Variants in CALCR observed in about 807,000 individuals in gnomAD.
CALCR encodes the protein calcitonin receptor.
Under a neutral mutation model 59.5 loss-of-function variants are expected in CALCR, and 47 were observed. The observed-to-expected ratio is 0.79, with a 90% CI of 0.63 to 1.01. CALCR has a LOEUF of 1.01. Ranked by LOEUF, CALCR falls within the 50% of genes least tolerant of loss-of-function variation. The probability of loss-of-function intolerance (pLI) is 0.00; values close to 1 mark genes in which losing one functional copy is unlikely to be tolerated. For synonymous variants in CALCR, 213 were observed against 211.3 expected, an observed-to-expected ratio of 1.01 and a Z score of -0.07; for missense variants, 566 against 597.1, an observed-to-expected ratio of 0.95 and a Z score of 0.54.
At chr7:93,511,460 T>C (rs1801544643) in intron 2 of CALCR, among the ~76,000 whole-genome samples, 1 of 152,160 alleles carries the variant, frequency 6.6e-6, no homozygotes, top group Non-Finnish European at 1.5e-5. Context: ...TGTTGAGAGA[T>C]CTAACTCTAG....
At chr7:93,572,235 G>GA (rs902079761) in intron 2 of CALCR, among the ~76,000 whole-genome samples, 6 of 151,546 alleles carry the variant, frequency 4.0e-5, no homozygotes, top group Non-Finnish European at 5.9e-5. Flanking sequence ...TTTTTTTAAA[G>GA]AAAAAACTAT....
chr7:93,524,208 T>C lies in CALCR; in HGVS notation c.-26-37201A>G, dbSNP rs868034216. 5.5e-4 allele frequency among the ~76,000 whole-genome samples: 83 copies of C among 151,328 alleles called. 1 individual carries two copies. The highest frequency in any genetic ancestry group is 1.5e-3 in the African/African-American group (64 of 41,296). On this transcript the variant is annotated intron_variant, in intron 2 of 13. Coordinates refer to ENST00000426151, the MANE Select transcript of CALCR (RefSeq NM_001742.4). ...TTTTTTGAGACGAGTTTCGCTCTGT[T>C]GCCCAGGCTGGAGTGCAGTGGCATG...
At chr7:93,434,584 T>C (rs1284152717) in intron 12 of CALCR, among the ~76,000 whole-genome samples, 2 of 144,916 alleles carry the variant, frequency 1.4e-5, no homozygotes, top group African/African-American at 2.5e-5. Context: ...ATGCTGATTA[T>C]GGTGAATTTG....
chr7:93,516,550 G>A (rs1480623499), intron 2 of CALCR, among the ~76,000 whole-genome samples: 1 of 151,814 alleles, frequency 6.6e-6, no homozygotes, highest in East Asian at 1.9e-4. Flanking sequence ...TCAGTATCAT[G>A]AAAAGATGTT....
intron 2 of CALCR, among the ~76,000 whole-genome samples, chr7:93,564,768 T>TC (rs1789825588): frequency 6.6e-6 from 1 of 151,826 alleles, no homozygotes; most frequent in African/African-American, 2.4e-5. Flanking sequence ...TTTTTTTTTT[T>TC]CCTGAAGGTA....
intron 2 of CALCR, among the ~76,000 whole-genome samples, chr7:93,524,422 A>T (rs746574434): frequency 6.6e-6 from 1 of 151,982 alleles, no homozygotes; most frequent in Non-Finnish European, 1.5e-5. Context: ...CGCCCACCTC[A>T]GCCTCCCAAA....
intron 13 of CALCR, among the ~76,000 whole-genome samples, chr7:93,429,959 A>T (rs1303016999): frequency 7.7e-6 from 1 of 129,966 alleles, no homozygotes; most frequent in Admixed American, 9.1e-5. Context: ...TTTGAGACAG[A>T]GTCTTGCTGT....
At chr7:93,513,812 G>T (rs951166443) in intron 2 of CALCR, among the ~76,000 whole-genome samples, 1 of 150,652 alleles carries the variant, frequency 6.6e-6, no homozygotes, top group Non-Finnish European at 1.5e-5. Flanking sequence ...TAAATATGTA[G>T]ATATTTGTTT....
At chr7:93,557,289 A>T (rs1414209425) in intron 2 of CALCR, among the ~76,000 whole-genome samples, 3 of 151,804 alleles carry the variant, frequency 2.0e-5, no homozygotes, top group Non-Finnish European at 4.4e-5. Context: ...AAAATTGACA[A>T]ATTAATATTA....
chr7:93,555,907 A>G (rs1789591762), intron 2 of CALCR, among the ~76,000 whole-genome samples: 1 of 152,324 alleles, frequency 6.6e-6, no homozygotes, highest in African/African-American at 2.4e-5. Context: ...GAAAACAGTC[A>G]TGTCCATTGA....
chr7:93,560,515 G>A (rs548379708), intron 2 of CALCR, among the ~76,000 whole-genome samples: 5 of 151,934 alleles, frequency 3.3e-5, no homozygotes, highest in Admixed American at 1.3e-4. Flanking sequence ...TTTATGCACT[G>A]TAGGATCCTA....
intron 2 of CALCR, among the ~76,000 whole-genome samples, chr7:93,510,936 T>C (rs28398992): frequency 2.6e-5 from 4 of 151,664 alleles, no homozygotes; most frequent in Admixed American, 2.6e-4. Context: ...GAAGAATGGG[T>C]TGGGGAAGAG....
intron 2 of CALCR, among the ~76,000 whole-genome samples, chr7:93,551,256 A>T (rs1789448831): frequency 6.6e-6 from 1 of 152,202 alleles, no homozygotes; most frequent in Admixed American, 6.6e-5. Flanking sequence ...GCGCCACCTT[A>T]TGGAGAACTT....
chr7:93,454,253 G>A (rs58295382), intron 8 of CALCR, among the ~76,000 whole-genome samples: 9,493 of 151,886 alleles, frequency 0.063, 948 homozygotes, highest in African/African-American at 0.21. Flanking sequence ...TAATCTTCCT[G>A]TGACTACCTA....
intron 2 of CALCR, among the ~76,000 whole-genome samples, chr7:93,508,378 C>T (rs1801473673): frequency 6.6e-6 from 1 of 152,150 alleles, no homozygotes. Flanking sequence ...CATGTGGACT[C>T]ACAAAGGAGG....
chr7:93,570,510 A>G (rs796638557), intron 2 of CALCR, among the ~76,000 whole-genome samples: 17 of 152,322 alleles, frequency 1.1e-4, no homozygotes, highest in African/African-American at 3.8e-4. Flanking sequence ...TGGAATAGTT[A>G]AATATTTCAC....
chr7:93,542,350 A>C (rs1236885421), intron 2 of CALCR, among the ~76,000 whole-genome samples: 1 of 152,240 alleles, frequency 6.6e-6, no homozygotes, highest in African/African-American at 2.4e-5. Context: ...AACATATCAC[A>C]GCATAGAAAA....
chr7:93,440,141 A>G (rs917099865), intron 9 of CALCR, among the ~76,000 whole-genome samples: 1 of 152,150 alleles, frequency 6.6e-6, no homozygotes, highest in Non-Finnish European at 1.5e-5. Flanking sequence ...TAGGTGCTAT[A>G]ATACAACTGG....
chr7:93,559,103 G>A (rs1789680732), intron 2 of CALCR, among the ~76,000 whole-genome samples: 1 of 152,148 alleles, frequency 6.6e-6, no homozygotes, highest in Admixed American at 6.6e-5. Context: ...CAACTTCCAT[G>A]TCATGAGGAT....
Sources: gnomAD v4.1 joint callset for allele counts (sites outside exome capture counted in the v4.1 genomes callset) on GRCh38, gnomAD v4.1.1 for gene constraint, MANE v1.5 for transcripts, NCBI Gene and HGNC (gene_info 2026-07-23, HGNC 2026-07-21) for gene names.